Variants in NTNG1 observed in about 807,000 individuals in gnomAD.
NTNG1 encodes netrin G1.
Under a neutral mutation model 54.0 loss-of-function variants are expected in NTNG1, and 16 were observed. The ratio of observed to expected loss-of-function variants is 0.30; its 90% CI spans 0.20 to 0.45. The LOEUF is 0.45. Among genes scored for constraint, NTNG1 ranks in the 20% least tolerant of loss-of-function variants. The probability of loss-of-function intolerance (pLI) is 1.00; values close to 1 mark genes in which losing one functional copy is unlikely to be tolerated. For missense variants in NTNG1, 530 were observed against 678.7 expected (o/e 0.78, Z 2.43); for synonymous variants, 255 against 263.1 (o/e 0.97, Z 0.30).
chr1:107,246,138 G>A (rs563349110), intron 2 of NTNG1, among the ~76,000 whole-genome samples: 18 of 152,126 alleles, frequency 1.2e-4, no homozygotes, highest in South Asian at 6.2e-4. Context: ...TGCAAGCTCC[G>A]CCTCCTGGGT....
chr1:107,349,394 C>T (rs1483966257), intron 3 of NTNG1, among the ~76,000 whole-genome samples: 1 of 151,778 alleles, frequency 6.6e-6, no homozygotes, highest in Non-Finnish European at 1.5e-5. Flanking sequence ...TGCATAAAAT[C>T]CTTTTTAATG....
At chr1:107,302,971 C>T (rs185111973) in intron 2 of NTNG1, among the ~76,000 whole-genome samples, 1 of 152,154 alleles carries the variant, frequency 6.6e-6, no homozygotes, top group African/African-American at 2.4e-5. Flanking sequence ...CCACTCAATA[C>T]GTAGTGTAAA....
chr1:107,363,121 T>TAC (rs1670392201), intron 3 of NTNG1, among the ~76,000 whole-genome samples: 3 of 152,232 alleles, frequency 2.0e-5, no homozygotes, highest in Non-Finnish European at 2.9e-5. Context: ...GCAGGTTTTT[T>TAC]CCTTGTGTTG....
At chr1:107,417,496 T>G (rs369375375) in intron 5 of NTNG1, among the ~76,000 whole-genome samples, 3 of 152,220 alleles carry the variant, frequency 2.0e-5, no homozygotes, top group South Asian at 2.1e-4. Context: ...ACTGAAGCCC[T>G]CTGCAAGGCT....
intron 3 of NTNG1, among the ~76,000 whole-genome samples, chr1:107,334,444 A>G (rs768845449): frequency 1.2e-4 from 18 of 151,860 alleles, no homozygotes; most frequent in Non-Finnish European, 2.5e-4. Context: ...GGGAACAGGG[A>G]ACAGATGGGG....
At chr1:107,242,679 A>G (rs962032258) in intron 2 of NTNG1, among the ~76,000 whole-genome samples, 10 of 152,232 alleles carry the variant, frequency 6.6e-5, no homozygotes, top group African/African-American at 2.2e-4. Flanking sequence ...ATTTTTATAT[A>G]GAAAATGAAT....
intron 3 of NTNG1, among the ~76,000 whole-genome samples, chr1:107,369,240 T>C (rs534388829): frequency 2.6e-5 from 4 of 152,304 alleles, no homozygotes; most frequent in African/African-American, 2.4e-5. Context: ...TATGGGCATA[T>C]ATTTTCTTTG....
chr1:107,161,773 G>C (rs866118366), intron 2 of NTNG1, among the ~76,000 whole-genome samples: 52 of 151,026 alleles, frequency 3.4e-4, no homozygotes, highest in African/African-American at 1.2e-3. Context: ...AGATATCACT[G>C]ACAGAGTTGA....
rs1571061512 is a variant in NTNG1 at position 107,481,935 on chromosome 1, G to C, written c.*1095G>C. 6.6e-6 allele frequency: 1 copy of C among 152,242 alleles called. No individual in the cohort carries two copies. The highest frequency in any genetic ancestry group is 3.4e-3 in the Middle Eastern group (1 of 294). The allele number at this position is 152,242 out of a possible 1,614,324, so 9.4% of individuals were successfully genotyped here. On this transcript the variant is annotated 3_prime_UTR_variant, in exon 8 of 8. Transcript: ENST00000370068. ...TTTCACACTCACTTTACTGATTTCT[G>C]TGTGGACTGAGTACATTCAGCTGAC...
chr1:107,426,688 C>A (rs1674930081), intron 5 of NTNG1, among the ~76,000 whole-genome samples: 1 of 151,684 alleles, frequency 6.6e-6, no homozygotes, highest in Admixed American at 6.6e-5. Context: ...TCCATATGAA[C>A]TTCAGGATTG....
intron 2 of NTNG1, among the ~76,000 whole-genome samples, chr1:107,307,088 T>C (rs1404990521): frequency 3.9e-5 from 6 of 152,232 alleles, no homozygotes. Context: ...TACAACAGGT[T>C]TGATACTAAG....
At position 107,187,028 on chromosome 1, in the gene NTNG1, G is replaced by A. The variant is rs748045471; in HGVS notation, c.246+38189G>A. Among the ~76,000 whole-genome samples, 9 of 152,264 alleles carry A rather than the reference G, an allele frequency of 5.9e-5. No homozygotes were observed. In the South Asian group the frequency reaches 1.0e-3, roughly 18 times the overall value. ...TGTGTATGATGAAGCACAGAGTTTA[G>A]AATTACACACTGGGCTTTCTGGCTC... On this transcript the variant is annotated intron_variant, in intron 2 of 7. Coordinates refer to ENST00000370068, the MANE Select transcript of NTNG1 (RefSeq NM_001113226.3).
intron 2 of NTNG1, among the ~76,000 whole-genome samples, chr1:107,180,976 T>C (rs1296529323): frequency 6.6e-6 from 1 of 152,178 alleles, no homozygotes; most frequent in East Asian, 1.9e-4. Context: ...ACCTCTGTAT[T>C]TAGAGATCCC....
At chr1:107,359,804 T>A (rs1670153685) in intron 3 of NTNG1, among the ~76,000 whole-genome samples, 1 of 151,200 alleles carries the variant, frequency 6.6e-6, no homozygotes, top group Admixed American at 6.7e-5. Context: ...GAAAAAATAC[T>A]AAGTGTGATA....
intron 7 of NTNG1, among the ~76,000 whole-genome samples, chr1:107,440,837 T>G (rs1218173779): frequency 6.6e-6 from 1 of 152,076 alleles, no homozygotes; most frequent in Non-Finnish European, 1.5e-5. Flanking sequence ...AGGCCACCAA[T>G]TATGTACTGT....
At chr1:107,348,345 C>T (rs2101949652) in intron 3 of NTNG1, among the ~76,000 whole-genome samples, 1 of 152,116 alleles carries the variant, frequency 6.6e-6, no homozygotes, top group Admixed American at 6.5e-5. Flanking sequence ...AGGATGGTCT[C>T]GAACTCCTGA....
intron 2 of NTNG1, among the ~76,000 whole-genome samples, chr1:107,223,526 T>A (rs1660487395): frequency 6.6e-6 from 1 of 152,160 alleles, no homozygotes; most frequent in Non-Finnish European, 1.5e-5. Flanking sequence ...AAAACATTAA[T>A]GACATGTTTT....
intron 5 of NTNG1, chr1:107,418,616 C>A: frequency 6.2e-7 from 1 of 1,603,410 alleles, no homozygotes; most frequent in Non-Finnish European, 8.5e-7. Context: ...CCGAATATTT[C>A]TTCCCTTGAG....
At chr1:107,454,348 G>A (rs762775342) in intron 7 of NTNG1, among the ~76,000 whole-genome samples, 2 of 152,140 alleles carry the variant, frequency 1.3e-5, no homozygotes, top group Non-Finnish European at 2.9e-5. Flanking sequence ...CTTTGCACAA[G>A]CAAGTTATAC....
Sources: allele counts gnomAD v4.1 joint callset (sites outside exome capture counted in the v4.1 genomes callset), GRCh38; gene constraint gnomAD v4.1.1; transcripts MANE v1.5; gene names NCBI Gene and HGNC (gene_info 2026-07-23, HGNC 2026-07-21).